Variants in LRIG1 observed in about 807,000 individuals in gnomAD.
The protein encoded by LRIG1 is leucine rich repeats and immunoglobulin like domains 1, also known as leucine-rich repeats and immunoglobulin-like domains protein 1.
Under a neutral mutation model 99.2 loss-of-function variants are expected in LRIG1, and 48 were observed. That is an observed-to-expected ratio of 0.48 (90% CI 0.38 to 0.62). The LOEUF (loss-of-function observed/expected upper bound fraction) is 0.62, where lower values mean the gene tolerates loss of function less well. LRIG1 is among the 20% of genes least tolerant of loss of function. The pLI, the probability that LRIG1 is intolerant of heterozygous loss-of-function variation, is 0.00. For missense variants in LRIG1, 1,646 were observed against 1,434.4 expected, an observed-to-expected ratio of 1.15 and a Z score of -2.38; for synonymous variants, 772 against 596.1, an observed-to-expected ratio of 1.29 and a Z score of -4.30.
At chr3:66,405,974 C>CGA in intron 8 of LRIG1, 1 of 994,672 alleles carries the variant, frequency 1.0e-6, no homozygotes, top group Non-Finnish European at 1.2e-6. Flanking sequence ...AGTGCCCAGG[C>CGA]GAGACATCAC....
chr3:66,389,571 TAC>T (rs1701533962), intron 12 of LRIG1, among the ~76,000 whole-genome samples: 1 of 152,180 alleles, frequency 6.6e-6, no homozygotes, highest in African/African-American at 2.4e-5. Context: ...GAGTTTTTAC[TAC>T]AGAGACAGAA....
chr3:66,467,110 G>A (rs542232621), intron 1 of LRIG1, among the ~76,000 whole-genome samples: 5 of 152,266 alleles, frequency 3.3e-5, no homozygotes, highest in East Asian at 1.9e-4. Flanking sequence ...TTATCCAGGC[G>A]TGTCTGAAAA....
In LRIG1 at chr3:66,458,250, G is replaced by C. The variant is rs541944905; in HGVS notation, c.290+4188C>G. Among the ~76,000 whole-genome samples the C allele has an allele frequency of 1.4e-3, 220 of 152,102 alleles. 2 individuals carry two copies. Among genetic ancestry groups the C allele is most frequent in the Non-Finnish European group, 2.7e-3 (185 of 68,018 alleles). On this transcript the variant is annotated intron_variant, in intron 2 of 18. Coordinates refer to ENST00000273261, the MANE Select transcript of LRIG1 (RefSeq NM_015541.3). ...GAGGCCTCAGCCTCCCAAGAACCTGGGACTACAGGCATGGGCCACTATGTC... is the reference window on the plus strand; with the variant it reads ...GAGGCCTCAGCCTCCCAAGAACCTGCGACTACAGGCATGGGCCACTATGTC...
intron 9 of LRIG1, chr3:66,404,382 C>T (rs1702186287): frequency 1.6e-6 from 2 of 1,264,606 alleles, no homozygotes; most frequent in Admixed American, 2.6e-5. Context: ...TCCAGTCTTC[C>T]CTCCGAGCTG....
chr3:66,380,578 T>G lies in LRIG1; in HGVS notation c.3054A>C (p.Lys1018Asn), dbSNP rs1292573615. 2 of 1,613,510 alleles carry G rather than the reference T, an allele frequency of 1.2e-6. No individual in the cohort carries two copies. The highest frequency in any genetic ancestry group is 1.7e-5 in the Admixed American group (1 of 60,012). Residue 1018 changes from lysine (K) to asparagine (N), a missense_variant and splice_region_variant, in exon 18 of 19, where the codon AAA becomes AAC. Coordinates refer to ENST00000273261, the MANE Select transcript of LRIG1 (RefSeq NM_015541.3). ...KKKPMASLDG[K>N]GDSSWTLARL... ...TGTTAGAAGACAGTCAAAAGTTACC[T>G]TTCCCATCTAGAGATGCCATTGGCT...
intron 3 of LRIG1, among the ~76,000 whole-genome samples, chr3:66,436,887 T>A (rs1053993414): frequency 6.6e-6 from 1 of 152,166 alleles, no homozygotes; most frequent in South Asian, 2.1e-4. Context: ...CTTAGGAAGA[T>A]CTCTGCTTGT....
chr3:66,463,187 CA>C (rs1700396280), intron 1 of LRIG1, among the ~76,000 whole-genome samples: 1 of 152,164 alleles, frequency 6.6e-6, no homozygotes, highest in Non-Finnish European at 1.5e-5. Flanking sequence ...CTGGTCTACA[CA>C]AGAGCTTAAG....
rs370020095 is a variant in LRIG1 at position 66,413,017 on chromosome 3, A to G, written c.648-3T>C. The G allele has an allele frequency of 1.3e-5, 21 of 1,614,050 alleles. No individual in the cohort carries two copies. Among genetic ancestry groups the G allele is most frequent in the Non-Finnish European group, 1.5e-5 (18 of 1,180,028 alleles). On this transcript the variant is annotated splice_region_variant and splice_polypyrimidine_tract_variant and intron_variant, in intron 5 of 18. Transcript: ENST00000273261. ...GAATCCTGTTCCGATTGAGGTCCCT[A>G]AAGAGATGAAGCCAGCAGGGTCAGA...
chr3:66,501,106 C>T (rs9850659), upstream of LRIG1: 1 of 149,794 alleles, frequency 6.7e-6, no homozygotes, highest in African/African-American at 2.6e-5. Flanking sequence ...CTAGGCTCCG[C>T]GCTCCGCGGC....
intron 3 of LRIG1, among the ~76,000 whole-genome samples, chr3:66,429,986 C>T (rs985473205): frequency 7.2e-5 from 11 of 152,260 alleles, no homozygotes; most frequent in African/African-American, 1.9e-4. Flanking sequence ...AACCGCACAC[C>T]GGCTAGGAAT....
intron 1 of LRIG1, among the ~76,000 whole-genome samples, chr3:66,477,375 C>T (rs1207912811): frequency 1.3e-5 from 2 of 152,118 alleles, no homozygotes; most frequent in African/African-American, 2.4e-5. Context: ...AATGTTGCTT[C>T]TCAGACAAAA....
chr3:66,382,207 G>GGCCA, intron 16 of LRIG1, 66 bp downstream of exon 16: 1 of 1,596,424 alleles, frequency 6.3e-7, no homozygotes, highest in South Asian at 1.1e-5. Flanking sequence ...AAGACCTGGA[G>GGCCA]GCCACCTCCA....
At chr3:66,454,976 C>CT (rs1041017143) in intron 2 of LRIG1, among the ~76,000 whole-genome samples, 1 of 152,210 alleles carries the variant, frequency 6.6e-6, no homozygotes, top group African/African-American at 2.4e-5. Context: ...GAGTCTCGCT[C>CT]TGTGGTGGCC....
chr3:66,382,117 G>C (rs981217637), intron 16 of LRIG1, among the ~76,000 whole-genome samples, 156 bp downstream of exon 16: 3 of 152,136 alleles, frequency 2.0e-5, no homozygotes, highest in East Asian at 1.9e-4. Flanking sequence ...TGAAGACTGG[G>C]TCCAAAATAG....
At chr3:66,386,358 G>C (rs1575647592) in intron 12 of LRIG1, 57 bp from the exon 13 acceptor site, 1 of 1,439,166 alleles carries the variant, frequency 6.9e-7, no homozygotes, top group Non-Finnish European at 9.6e-7. Context: ...AGAGGAACCA[G>C]CTGCTGTTCA....
intron 11 of LRIG1, among the ~76,000 whole-genome samples, chr3:66,397,249 C>G (rs992154747): frequency 6.6e-6 from 1 of 152,188 alleles, no homozygotes; most frequent in East Asian, 1.9e-4. Flanking sequence ...ACCTCATTTC[C>G]CCAGTCCCAG....
At chr3:66,438,802 C>T (rs887054992) in intron 3 of LRIG1, among the ~76,000 whole-genome samples, 6 of 152,204 alleles carry the variant, frequency 3.9e-5, no homozygotes, top group Non-Finnish European at 7.3e-5. Context: ...AAAGGGATGG[C>T]GCTGTGAGAG....
intron 1 of LRIG1, among the ~76,000 whole-genome samples, chr3:66,489,726 T>C (rs1701058943): frequency 6.6e-6 from 1 of 152,162 alleles, no homozygotes; most frequent in Admixed American, 6.5e-5. Flanking sequence ...AGACAGGAAA[T>C]GAAGTGACTA....
intron 7 of LRIG1, among the ~76,000 whole-genome samples, chr3:66,408,964 T>TGTGTGGGGG (rs1575668634): frequency 5.8e-5 from 1 of 17,312 alleles, no homozygotes; most frequent in Non-Finnish European, 1.1e-4. Context: ...GTGTGTGTGG[T>TGTGTGGGGG]GGGGGGAGGG....
Sources: allele counts gnomAD v4.1 joint callset (sites outside exome capture counted in the v4.1 genomes callset), GRCh38; gene constraint gnomAD v4.1.1; transcripts MANE v1.5; gene names NCBI Gene and HGNC (gene_info 2026-07-23, HGNC 2026-07-21).